The following PDE6D variants were observed in gnomAD, a reference collection of about 807,000 sequenced individuals.
PDE6D encodes retinal rod rhodopsin-sensitive cGMP 3',5'-cyclic phosphodiesterase subunit delta.
Under a neutral mutation model 21.9 loss-of-function variants are expected in PDE6D, and 10 were observed. That is an observed-to-expected ratio of 0.46 (90% CI 0.28 to 0.78). The LOEUF is 0.78. Among genes scored for constraint, PDE6D ranks in the 30% least tolerant of loss-of-function variants. The pLI is 0.12. For synonymous variants in PDE6D, 59 were observed against 63.5 expected (o/e 0.93, Z 0.34); for missense variants, 139 against 184.8 (o/e 0.75, Z 1.44).
intron 1 of PDE6D, among the ~76,000 whole-genome samples, chr2:231,752,278 T>C (rs966206701): frequency 1.4e-4 from 22 of 152,246 alleles, no homozygotes; most frequent in African/African-American, 4.8e-4. Context: ...GAACACCTGC[T>C]GTGGAGTCCA....
intron 1 of PDE6D, among the ~76,000 whole-genome samples, chr2:231,760,266 A>G (rs754049612): frequency 6.6e-6 from 1 of 152,176 alleles, no homozygotes; most frequent in Non-Finnish European, 1.5e-5. Context: ...GGTATATGAA[A>G]CTTTGGCAGA....
At chr2:231,737,402 G>T in intron 3 of PDE6D, 110 bp from the exon 4 acceptor site, 1 of 598,930 alleles carries the variant, frequency 1.7e-6, no homozygotes. Context: ...AACCACCAAA[G>T]GAAGCTATCA....
intron 1 of PDE6D, among the ~76,000 whole-genome samples, chr2:231,774,345 T>C (rs2049038016): frequency 6.6e-6 from 1 of 152,150 alleles, no homozygotes; most frequent in Admixed American, 6.5e-5. Context: ...AAAACAACCC[T>C]CTGATAATAT....
At chr2:231,743,108 T>G (rs1341474787) in intron 1 of PDE6D, among the ~76,000 whole-genome samples, 2 of 152,064 alleles carry the variant, frequency 1.3e-5, no homozygotes, top group Non-Finnish European at 2.9e-5. Context: ...CTGGAGAGAT[T>G]CTGTCTAGGT....
chr2:231,752,841 T>TG (rs1303544262), intron 1 of PDE6D, among the ~76,000 whole-genome samples: 1 of 146,326 alleles, frequency 6.8e-6, no homozygotes, highest in Non-Finnish European at 1.5e-5. Context: ...GTTTTTTTTT[T>TG]TTTTTTTTTT....
chr2:231,762,880 G>A (rs1382247813), intron 1 of PDE6D, among the ~76,000 whole-genome samples: 3 of 151,928 alleles, frequency 2.0e-5, no homozygotes, highest in African/African-American at 7.3e-5. Flanking sequence ...GGGAGGATCA[G>A]CTGAGCCCAG....
chr2:231,780,616 G>C (rs1339365418), intron 1 of PDE6D, among the ~76,000 whole-genome samples: 3 of 152,174 alleles, frequency 2.0e-5, no homozygotes, highest in African/African-American at 4.8e-5. Flanking sequence ...CCCGCTCCAA[G>C]TCACTGTTCC....
intron 1 of PDE6D, among the ~76,000 whole-genome samples, chr2:231,760,037 C>A (rs1386516777): frequency 6.6e-6 from 1 of 152,130 alleles, no homozygotes; most frequent in Admixed American, 6.5e-5. Context: ...TTTTATACCT[C>A]CAAAATAATT....
At chr2:231,742,016 T>C (rs943574024) in intron 1 of PDE6D, among the ~76,000 whole-genome samples, 3 of 152,148 alleles carry the variant, frequency 2.0e-5, no homozygotes, top group African/African-American at 7.2e-5. Flanking sequence ...AATACCAAGA[T>C]GAATACCAAA....
intron 1 of PDE6D, among the ~76,000 whole-genome samples, chr2:231,752,239 A>C (rs1015128814): frequency 2.3e-5 from 3 of 133,040 alleles, no homozygotes; most frequent in Admixed American, 2.2e-4. Flanking sequence ...AAAAGCTGAG[A>C]GAGGGGAAAA....
At chr2:231,756,654 GATCTCT>G (rs1347758609) in intron 1 of PDE6D, among the ~76,000 whole-genome samples, 2 of 138,514 alleles carry the variant, frequency 1.4e-5, no homozygotes, top group Non-Finnish European at 3.0e-5. Context: ...GTTCTAGGCT[GATCTCT>G]ATCTCCTGGC....
chr2:231,738,468 T>C (rs1049598966), intron 2 of PDE6D, among the ~76,000 whole-genome samples: 1 of 152,218 alleles, frequency 6.6e-6, no homozygotes, highest in African/African-American at 2.4e-5. Flanking sequence ...GTTCTGGTGA[T>C]TTTAACCCCT....
intron 3 of PDE6D, 169 bp from the exon 4 acceptor site, chr2:231,737,461 G>T (rs1279522748): frequency 1.8e-6 from 1 of 558,086 alleles, no homozygotes; most frequent in South Asian, 2.2e-5. Flanking sequence ...GCCTGCTCAG[G>T]TTGTCCTCTG....
At chr2:231,735,984 C>T (rs950882051) in intron 4 of PDE6D, among the ~76,000 whole-genome samples, 17 of 150,306 alleles carry the variant, frequency 1.1e-4, no homozygotes, top group Non-Finnish European at 2.4e-4. Context: ...GCTGAGATCA[C>T]GCCACTGCAC....
chr2:231,780,838 A>AC (rs2049111838), intron 1 of PDE6D, among the ~76,000 whole-genome samples: 1 of 150,296 alleles, frequency 6.7e-6, no homozygotes, highest in African/African-American at 2.5e-5. Context: ...TCCACCCGCC[A>AC]CCCCCCGGCG....
At chr2:231,744,414 T>A (rs538720865) in intron 1 of PDE6D, among the ~76,000 whole-genome samples, 2 of 152,034 alleles carry the variant, frequency 1.3e-5, no homozygotes, top group African/African-American at 4.8e-5. Context: ...AATAACCAGG[T>A]TAAGGACTTA....
intron 1 of PDE6D, among the ~76,000 whole-genome samples, chr2:231,774,150 C>T (rs114925027): frequency 0.08 from 12,132 of 152,122 alleles, 554 homozygotes; most frequent in African/African-American, 0.11. Context: ...CCAGGCTGGT[C>T]TTGAATGCCC....
At chr2:231,749,664 T>G (rs1428291033) in intron 1 of PDE6D, among the ~76,000 whole-genome samples, 1 of 152,082 alleles carries the variant, frequency 6.6e-6, no homozygotes, top group African/African-American at 2.4e-5. Context: ...CTCAAGTAGC[T>G]GAGATTACAG....
intron 1 of PDE6D, among the ~76,000 whole-genome samples, chr2:231,741,204 GA>G (rs2048746879): frequency 6.7e-6 from 1 of 148,744 alleles, no homozygotes; most frequent in Admixed American, 6.7e-5. Context: ...AAAGAAAAGC[GA>G]AAAGCTTCCA....
Sources: gnomAD v4.1 joint callset for allele counts (sites outside exome capture counted in the v4.1 genomes callset) on GRCh38, gnomAD v4.1.1 for gene constraint, MANE v1.5 for transcripts, NCBI Gene and HGNC (gene_info 2026-07-23, HGNC 2026-07-21) for gene names.